STMN3: variants seen among roughly 807,000 people sequenced by gnomAD.
STMN3 encodes stathmin-3.
In STMN3, 24 loss-of-function variants were observed where a neutral mutation model predicts 23.2. That is an observed-to-expected ratio of 1.03 (90% CI 0.75 to 1.45). The LOEUF (loss-of-function observed/expected upper bound fraction) is 1.45, where lower values mean the gene tolerates loss of function less well. STMN3 is among the 40% of genes most tolerant of loss of function. STMN3 has a pLI of 0.00. For synonymous variants in STMN3, 117 were observed against 103.4 expected (o/e 1.13, Z -0.80); for missense variants, 235 against 237.6 (o/e 0.99, Z 0.07).
At chr20:63,645,868 G>A (rs1304571512) in intron 1 of STMN3, among the ~76,000 whole-genome samples, 1 of 152,126 alleles carries the variant, frequency 6.6e-6, no homozygotes, top group Non-Finnish European at 1.5e-5. Context: ...CAGGAGAATC[G>A]CTTGAACCTG....
At chr20:63,647,991 T>TATATACATAC (rs1288050001) in intron 1 of STMN3, among the ~76,000 whole-genome samples, 1 of 75,892 alleles carries the variant, frequency 1.3e-5, no homozygotes, top group Non-Finnish European at 2.7e-5. Flanking sequence ...CATATATATA[T>TATATACATAC]ACAGAGAGAG....
In STMN3 at chr20:63,652,581, G is replaced by C; in HGVS notation, c.19+746C>G. 2 of 985,290 alleles carry C rather than the reference G, an allele frequency of 2.0e-6. No homozygotes were observed. Among genetic ancestry groups the C allele is most frequent in the Non-Finnish European group, 2.4e-6 (2 of 829,850 alleles). 61.0% of individuals were successfully genotyped at this position (985,290 alleles called of 1,614,324 possible). A position where few individuals can be genotyped will look rare whatever the true frequency, so the allele number is the denominator to read the frequency against. ...GCCGGGGTGGGCGCTACCTTCGAAG[G>C]CGGTGGGTCCGCCCCGCGGGAGGTG... On this transcript the variant is annotated intron_variant, in intron 1 of 4. Transcript: ENST00000370053. The surrounding 1 kb of genome is among the most constrained non-coding windows in gnomAD (Gnocchi z 5.3).
rs535225997 is a variant in STMN3, at chr20:63,652,037, T to A, written c.19+1290A>T. On this transcript the variant is annotated intron_variant, in intron 1 of 4. Transcript: ENST00000370053. The surrounding 1 kb of genome is among the most constrained non-coding windows in gnomAD (Gnocchi z 5.3). ...CCCCCACCCCCAGTATCCCCGGGGG[T>A]GTCCAGGAGGAGGCGGAGGGAGGAA... is the stretch of plus-strand genomic sequence containing the variant. The A allele has an allele frequency of 1.3e-5, 2 of 152,184 alleles. No individual in the cohort carries two copies. Among genetic ancestry groups the A allele is most frequent in the African/African-American group, 4.8e-5 (2 of 41,430 alleles). The allele number at this position is 152,184 out of a possible 1,614,324, so 9.4% of individuals were successfully genotyped here.
chr20:63,647,697 ATAAT>A (rs1408813788), intron 1 of STMN3, among the ~76,000 whole-genome samples: 1 of 124,092 alleles, frequency 8.1e-6, no homozygotes, highest in Admixed American at 8.5e-5. Context: ...GTGTATATAT[ATAAT>A]ATATATACAC....
At chr20:63,653,013 G>C (rs1167486054) in intron 1 of STMN3, among the ~76,000 whole-genome samples, 1 of 151,884 alleles carries the variant, frequency 6.6e-6, no homozygotes, top group African/African-American at 2.4e-5. Flanking sequence ...CCGGTCGCGA[G>C]CCCACGCCCG....
At chr20:63,643,685 C>A in intron 3 of STMN3, 71 bp downstream of exon 3, 1 of 1,460,786 alleles carries the variant, frequency 6.8e-7, no homozygotes. Flanking sequence ...CACCCTGCTT[C>A]TTGCAGGCCC....
At chr20:63,644,020 C>T in intron 2 of STMN3, 89 bp from the exon 3 acceptor site, 4 of 1,530,618 alleles carry the variant, frequency 2.6e-6, no homozygotes, top group Non-Finnish European at 3.5e-6. Context: ...CATCCAACCC[C>T]AGGGCTGGGC....
chr20:63,653,338 C>G lies in STMN3; in HGVS notation c.8G>C (p.Ser3Thr). Residue 3 changes from serine to threonine, a missense_variant, in exon 1 of 5, where the codon AGC becomes ACC. Transcript: ENST00000370053. MA[S>T]TISAYKEKMK... ...GCCCCGGAGCCTACCGGAAATGGTG[C>G]TGGCCATGGTGCTGGCGGCGGTTGG... 1 of 1,548,426 alleles carries G rather than the reference C, an allele frequency of 6.5e-7. No individual in the cohort carries two copies. The highest frequency in any genetic ancestry group is 8.7e-7 in the Non-Finnish European group (1 of 1,146,698).
Position 63,653,386 on chromosome 20 carries a change from C to A in STMN3, c.-41G>T. On this transcript the variant is annotated 5_prime_UTR_variant, in exon 1 of 5. Transcript: ENST00000370053. ...TGGGCCTGCGGAGGCTGGAGAGGCGCAAGTGGCGGCCGGAGCTGCAGACGG... is the reference window on the plus strand; with the variant it reads ...TGGGCCTGCGGAGGCTGGAGAGGCGAAAGTGGCGGCCGGAGCTGCAGACGG... The A allele has an allele frequency of 6.8e-7, 1 of 1,473,028 alleles. No individual in the cohort carries two copies. Among genetic ancestry groups the A allele is most frequent in the Admixed American group, 2.1e-5 (1 of 47,700 alleles). The allele number at this position is 1,473,028 out of a possible 1,614,324, so 91.2% of individuals were successfully genotyped here. A position where few individuals can be genotyped will look rare whatever the true frequency, so the allele number is the denominator to read the frequency against.
chr20:63,641,409 G>C lies in STMN3; in HGVS notation c.484-12C>G, dbSNP rs764014245. On this transcript the variant is annotated splice_polypyrimidine_tract_variant and intron_variant, in intron 4 of 4. Coordinates refer to ENST00000370053, the MANE Select transcript of STMN3 (RefSeq NM_015894.4). ...GCCGCGTGCAGCTCCTGCAGGACAG[G>C]GGGCGGGAGGGCCTGAGGGCGGGGG... 12 of 1,560,680 alleles carry C rather than the reference G, an allele frequency of 7.7e-6. No individual in the cohort carries two copies. The highest frequency in any genetic ancestry group is 1.2e-5 in the South Asian group (1 of 84,968).
At position 63,645,839 on chromosome 20, in the gene STMN3, G is replaced by A. The variant is rs542190002; in HGVS notation, c.20-1530C>T. 2.0e-5 allele frequency among the ~76,000 whole-genome samples: 3 copies of A among 152,244 alleles called. No homozygotes were observed. In the South Asian group the frequency reaches 6.2e-4, roughly 32 times the overall value. ...GTGGTGGCAGGCACCTGTAATCCTA[G>A]CTACTTGGGAGGCTGAGGCAGGAGA... On this transcript the variant is annotated intron_variant, in intron 1 of 4. Coordinates refer to ENST00000370053, the MANE Select transcript of STMN3 (RefSeq NM_015894.4).
chr20:63,651,113 C>T (rs2089855687), intron 1 of STMN3, among the ~76,000 whole-genome samples: 1 of 152,054 alleles, frequency 6.6e-6, no homozygotes, highest in South Asian at 2.1e-4. Context: ...GAGTGTGTCA[C>T]CACACCTGGC....
At chr20:63,647,855 T>C (rs2089826014) in intron 1 of STMN3, among the ~76,000 whole-genome samples, 1 of 122,294 alleles carries the variant, frequency 8.2e-6, no homozygotes, top group African/African-American at 2.8e-5. Context: ...TATTAATATA[T>C]ATACGTATAT....
intron 1 of STMN3, among the ~76,000 whole-genome samples, chr20:63,648,015 A>G (rs2089832167): frequency 7.6e-6 from 1 of 130,776 alleles, no homozygotes; most frequent in Non-Finnish European, 1.6e-5. Context: ...GAGTAGTGAT[A>G]GGTCTTGCTG....
Position 63,643,762 on chromosome 20 carries a change from C to G in STMN3, c.285G>C (p.Arg95=). The change falls in exon 3 of 5, where the codon CGG becomes CGC. Residue 95 remains arginine (R), a synonymous_variant. Transcript: ENST00000370053. The part of the protein sequence containing the change: ...LQKRLEAAEE[R]RKTQEAQVLK... ...GGGATGGAGGACTCCTTGCCTTCCTCCGCTCCTCGGCTGCCTCCAGCCGCT... is the reference window on the plus strand; with the variant it reads ...GGGATGGAGGACTCCTTGCCTTCCTGCGCTCCTCGGCTGCCTCCAGCCGCT... 4.5e-6 allele frequency: 7 copies of G among 1,543,782 alleles called. No homozygotes were observed. The highest frequency in any genetic ancestry group is 6.1e-6 in the Non-Finnish European group (7 of 1,154,556).
chr20:63,648,327 G>A (rs547510130), intron 1 of STMN3, among the ~76,000 whole-genome samples: 1 of 152,142 alleles, frequency 6.6e-6, no homozygotes, highest in South Asian at 2.1e-4. Flanking sequence ...GGTCCTGAGA[G>A]GATAAGAAGG....
intron 1 of STMN3, among the ~76,000 whole-genome samples, chr20:63,647,991 T>TATATATATACATATACAC: frequency 2.6e-5 from 2 of 75,894 alleles, no homozygotes; most frequent in East Asian, 2.3e-4. Context: ...CATATATATA[T>TATATATATACATATACAC]ACAGAGAGAG....
chr20:63,647,775 C>T lies in STMN3; in HGVS notation c.20-3466G>A, dbSNP rs1296845582. ...TATATAATATATATACATATATACA[C>T]GTGTATATATATAATATATATACGT... is the stretch of plus-strand genomic sequence containing the variant. On this transcript the variant is annotated intron_variant, in intron 1 of 4. Transcript: ENST00000370053. Among the ~76,000 whole-genome samples the T allele has an allele frequency of 1.0e-4, 12 of 115,896 alleles. 1 individual carries two copies. The South Asian group carries it at 1.2e-3, about 11-fold the overall frequency. The allele number at this position is 115,896 out of a possible 152,430, so 76.0% of individuals were successfully genotyped here.
At chr20:63,649,687 C>T (rs1442821742) in intron 1 of STMN3, among the ~76,000 whole-genome samples, 5 of 151,788 alleles carry the variant, frequency 3.3e-5, no homozygotes, top group Admixed American at 6.6e-5. Flanking sequence ...CCCGCCACCA[C>T]GCCCAGCTAA....
Sources: gnomAD v4.1 joint callset for allele counts (sites outside exome capture counted in the v4.1 genomes callset) on GRCh38, gnomAD v4.1.1 for gene constraint, Gnocchi (gnomAD v3.1) non-coding constraint, MANE v1.5 for transcripts, NCBI Gene and HGNC (gene_info 2026-07-23, HGNC 2026-07-21) for gene names.